ANO6: variants seen among roughly 807,000 people sequenced by gnomAD.
The protein encoded by ANO6 is anoctamin-6.
In ANO6, 106 loss-of-function variants were observed where a neutral mutation model predicts 117.5. The ratio of observed to expected loss-of-function variants is 0.90; its 90% CI spans 0.77 to 1.06. The LOEUF (loss-of-function observed/expected upper bound fraction) is 1.06. ANO6 is among the 50% of genes least tolerant of loss of function. ANO6 has a pLI of 0.00. For synonymous variants in ANO6, 367 were observed against 385.1 expected (o/e 0.95, Z 0.55); for missense variants, 955 against 1,121.1 (o/e 0.85, Z 2.12).
chr12:45,372,017 G>A (rs1314654613), intron 9 of ANO6, among the ~76,000 whole-genome samples: 1 of 152,094 alleles, frequency 6.6e-6, no homozygotes, highest in Non-Finnish European at 1.5e-5. Flanking sequence ...AGTGCTTAAA[G>A]GAGCTGATGG....
At chr12:45,256,868 A>T (rs1422027727) in intron 1 of ANO6, 1 of 152,208 alleles carries the variant, frequency 6.6e-6, no homozygotes, top group Non-Finnish European at 1.5e-5. Context: ...TTCTTTTCAC[A>T]TTTGAATGGC....
intron 2 of ANO6, among the ~76,000 whole-genome samples, chr12:45,309,687 T>C (rs1247740980): frequency 2.2e-5 from 1 of 46,426 alleles, no homozygotes; most frequent in Non-Finnish European, 7.3e-5. Flanking sequence ...AGACCTTTCT[T>C]GGCTAATCCC....
chr12:45,254,235 T>C (rs1423606383), intron 1 of ANO6, among the ~76,000 whole-genome samples: 2 of 152,118 alleles, frequency 1.3e-5, no homozygotes, highest in Non-Finnish European at 2.9e-5. Flanking sequence ...GAGAAGGCAG[T>C]AGAGAAAGAT....
intron 1 of ANO6, among the ~76,000 whole-genome samples, chr12:45,278,147 G>C (rs535351833): frequency 6.6e-6 from 1 of 152,008 alleles, no homozygotes; most frequent in Non-Finnish European, 1.5e-5. Flanking sequence ...TGTAGAGACA[G>C]GGTCTCTCTG....
rs1943630881 is a variant in ANO6, at chr12:45,431,462, G to A, written c.*2151G>A. On this transcript the variant is annotated 3_prime_UTR_variant, in exon 20 of 20. Transcript: ENST00000320560. ...ATGTATGATAGAACTTAAAAGAAAT[G>A]TGCATTTGTTTTCATAGCCCCAGCA... 2.0e-6 allele frequency: 2 copies of A among 985,316 alleles called. No individual in the cohort carries two copies. Among genetic ancestry groups the A allele is most frequent in the Non-Finnish European group, 2.4e-6 (2 of 829,922 alleles). The allele number at this position is 985,316 out of a possible 1,614,324, so 61.0% of individuals were successfully genotyped here.
At chr12:45,325,609 T>C (rs1940433150) in intron 2 of ANO6, among the ~76,000 whole-genome samples, 2 of 152,180 alleles carry the variant, frequency 1.3e-5, no homozygotes, top group African/African-American at 2.4e-5. Context: ...TGCAAATGGA[T>C]GATGATGTCT....
At chr12:45,404,540 T>C (rs910594980) in intron 15 of ANO6, among the ~76,000 whole-genome samples, 3 of 151,990 alleles carry the variant, frequency 2.0e-5, no homozygotes, top group African/African-American at 7.3e-5. Flanking sequence ...CTGGGGTGAA[T>C]CTCTTTGCCT....
intron 1 of ANO6, among the ~76,000 whole-genome samples, chr12:45,227,882 A>G (rs1232885645): frequency 6.6e-6 from 1 of 152,238 alleles, no homozygotes; most frequent in Non-Finnish European, 1.5e-5. Flanking sequence ...TGGTTTCTGC[A>G]AAGAGCAAAG....
chr12:45,249,914 A>G (rs1947877478), intron 1 of ANO6, among the ~76,000 whole-genome samples: 1 of 152,234 alleles, frequency 6.6e-6, no homozygotes, highest in Non-Finnish European at 1.5e-5. Flanking sequence ...CAAAAGACTA[A>G]TGTGCTTAAT....
intron 1 of ANO6, among the ~76,000 whole-genome samples, chr12:45,242,857 A>G (rs1338603189): frequency 6.6e-6 from 1 of 152,242 alleles, no homozygotes; most frequent in African/African-American, 2.4e-5. Flanking sequence ...TGGGTAAAAA[A>G]GGTGATCATG....
chr12:45,264,230 G>C lies in ANO6; in HGVS notation c.71-37784G>C, dbSNP rs557501316. Among the ~76,000 whole-genome samples the C allele has an allele frequency of 3.4e-4, 52 of 152,274 alleles. 1 individual carries two copies. In the South Asian group the frequency reaches 0.01, roughly 30 times the overall value. ...TTCCCACATCTTGATTCCTGATTTTGTGCTCTGCTCTTTCCTTCTAAGATG... is the reference window on the plus strand; with the variant it reads ...TTCCCACATCTTGATTCCTGATTTTCTGCTCTGCTCTTTCCTTCTAAGATG... On this transcript the variant is annotated intron_variant, in intron 1 of 19. Coordinates refer to ENST00000320560, the MANE Select transcript of ANO6 (RefSeq NM_001025356.3).
intron 1 of ANO6, among the ~76,000 whole-genome samples, chr12:45,294,396 A>G (rs1377002465): frequency 2.0e-5 from 3 of 152,194 alleles, no homozygotes; most frequent in Admixed American, 1.3e-4. Context: ...ATCTTCATGA[A>G]TAACTTTCTT....
intron 1 of ANO6, among the ~76,000 whole-genome samples, chr12:45,250,600 G>T (rs750899550): frequency 8.6e-5 from 13 of 151,898 alleles, no homozygotes; most frequent in Non-Finnish European, 1.9e-4. Context: ...GGGTCGTCTT[G>T]CTGTGTTGCC....
At chr12:45,230,774 T>C (rs1947562722) in intron 1 of ANO6, among the ~76,000 whole-genome samples, 1 of 152,196 alleles carries the variant, frequency 6.6e-6, no homozygotes, top group Admixed American at 6.5e-5. Flanking sequence ...TAAAAAGTAG[T>C]GTTCTTGATA....
intron 3 of ANO6, among the ~76,000 whole-genome samples, chr12:45,337,633 G>T (rs1425568565): frequency 6.6e-6 from 1 of 152,104 alleles, no homozygotes; most frequent in Non-Finnish European, 1.5e-5. Context: ...ATAGTGATTA[G>T]CAGGGGCTGG....
intron 1 of ANO6, among the ~76,000 whole-genome samples, chr12:45,219,014 G>A (rs61923825): frequency 0.12 from 17,895 of 151,970 alleles, 1,513 homozygotes; most frequent in East Asian, 0.3. Context: ...ATCATAGTTC[G>A]CTGCAGTCTT....
At chr12:45,347,286 T>G (rs1177985792) in intron 4 of ANO6, 199 bp downstream of exon 4, 1 of 561,166 alleles carries the variant, frequency 1.8e-6, no homozygotes, top group Non-Finnish European at 3.1e-6. Flanking sequence ...TCTTTTTTAA[T>G]AGCCAACGAA....
chr12:45,382,245 G>C (rs1942187322), intron 10 of ANO6, among the ~76,000 whole-genome samples: 1 of 152,114 alleles, frequency 6.6e-6, no homozygotes, highest in African/African-American at 2.4e-5. Flanking sequence ...TAGTCTCCTT[G>C]GTTCTACCTC....
chr12:45,218,272 G>T (rs1405929112), intron 1 of ANO6, among the ~76,000 whole-genome samples: 1 of 151,860 alleles, frequency 6.6e-6, no homozygotes, highest in Non-Finnish European at 1.5e-5. Flanking sequence ...TTTACGTCAA[G>T]CAGCAGGTAC....
Sources: gnomAD v4.1 joint callset for allele counts (sites outside exome capture counted in the v4.1 genomes callset) on GRCh38, gnomAD v4.1.1 for gene constraint, MANE v1.5 for transcripts, NCBI Gene and HGNC (gene_info 2026-07-23, HGNC 2026-07-21) for gene names.